Variants in NOS1AP observed in about 807,000 individuals in gnomAD.
NOS1AP encodes the protein carboxyl-terminal PDZ ligand of neuronal nitric oxide synthase protein.
NOS1AP carries 21 observed loss-of-function variants against 56.2 expected under a neutral mutation model. The observed-to-expected ratio is 0.37, with a 90% CI of 0.26 to 0.54. The LOEUF (loss-of-function observed/expected upper bound fraction) is 0.54, where lower values mean the gene tolerates loss of function less well. NOS1AP is among the 20% of genes least tolerant of loss of function. NOS1AP has a pLI of 0.84. For missense variants in NOS1AP, 522 were observed against 657.8 expected (o/e 0.79, Z 2.26); for synonymous variants, 270 against 274.6 (o/e 0.98, Z 0.17).
chr1:162,075,294 A>G (rs1345206003), intron 1 of NOS1AP, among the ~76,000 whole-genome samples: 3 of 152,322 alleles, frequency 2.0e-5, no homozygotes, highest in African/African-American at 4.8e-5. Context: ...AAAGCAGTAA[A>G]TATCATTGCT....
chr1:162,101,758 T>C (rs1339833992), intron 1 of NOS1AP, among the ~76,000 whole-genome samples: 1 of 152,158 alleles, frequency 6.6e-6, no homozygotes, highest in African/African-American at 2.4e-5. Context: ...TGTTGGTGAA[T>C]AGGAATGCTA....
chr1:162,326,394 G>A (rs917049199), intron 4 of NOS1AP, among the ~76,000 whole-genome samples: 1 of 152,172 alleles, frequency 6.6e-6, no homozygotes, highest in Non-Finnish European at 1.5e-5. Flanking sequence ...CTAATACCTG[G>A]GGGAATATGG....
intron 2 of NOS1AP, among the ~76,000 whole-genome samples, chr1:162,255,652 G>C (rs931059338): frequency 2.2e-4 from 34 of 151,840 alleles, no homozygotes; most frequent in African/African-American, 8.0e-4. Flanking sequence ...AGCTGTAATC[G>C]ATGGCCATGG....
chr1:162,179,905 G>A (rs1015155553), intron 2 of NOS1AP, among the ~76,000 whole-genome samples: 3 of 152,200 alleles, frequency 2.0e-5, no homozygotes, highest in Admixed American at 6.5e-5. Flanking sequence ...TCTCTCTAGA[G>A]GTGATGCAGA....
intron 2 of NOS1AP, among the ~76,000 whole-genome samples, chr1:162,178,601 A>T (rs1651146120): frequency 6.6e-6 from 1 of 152,156 alleles, no homozygotes; most frequent in Admixed American, 6.5e-5. Context: ...ACTTACACTC[A>T]TCCCTCCTGA....
At chr1:162,321,133 TCAG>T (rs1656401113) in intron 4 of NOS1AP, among the ~76,000 whole-genome samples, 1 of 152,202 alleles carries the variant, frequency 6.6e-6, no homozygotes, top group Non-Finnish European at 1.5e-5. Context: ...GGATCCAGTT[TCAG>T]CTTTCTACAT....
At chr1:162,215,495 G>A (rs1304225747) in intron 2 of NOS1AP, among the ~76,000 whole-genome samples, 2 of 152,196 alleles carry the variant, frequency 1.3e-5, no homozygotes, top group Non-Finnish European at 2.9e-5. Flanking sequence ...CTGCTATTTG[G>A]CCTGTTCCTA....
At chr1:162,360,500 G>A (rs757286305) in intron 8 of NOS1AP, 2 of 291,002 alleles carry the variant, frequency 6.9e-6, no homozygotes, top group Non-Finnish European at 1.3e-5. Context: ...TCTATTCACA[G>A]TTTGCCAATT....
At chr1:162,071,587 C>T (rs1450457839) in intron 1 of NOS1AP, among the ~76,000 whole-genome samples, 1 of 152,152 alleles carries the variant, frequency 6.6e-6, no homozygotes, top group Admixed American at 6.5e-5. Flanking sequence ...AACATTAAAC[C>T]CTGCCGTGGA....
chr1:162,235,993 G>A (rs972061575), intron 2 of NOS1AP, among the ~76,000 whole-genome samples: 6 of 152,192 alleles, frequency 3.9e-5, no homozygotes, highest in Non-Finnish European at 1.5e-5. Flanking sequence ...GAGTTTGTTA[G>A]GAGCACAGTC....
At chr1:162,360,297 T>C (rs1369821538) in intron 8 of NOS1AP, among the ~76,000 whole-genome samples, 1 of 152,212 alleles carries the variant, frequency 6.6e-6, no homozygotes, top group Non-Finnish European at 1.5e-5. Flanking sequence ...CGACCCAGCA[T>C]GAGGCTTGCC....
At chr1:162,346,765 T>G (rs1241657228) in intron 6 of NOS1AP, among the ~76,000 whole-genome samples, 1 of 152,254 alleles carries the variant, frequency 6.6e-6, no homozygotes, top group African/African-American at 2.4e-5. Flanking sequence ...TCTATGTGAC[T>G]AGAGGGAATT....
chr1:162,134,609 A>G (rs1648906945), intron 1 of NOS1AP, among the ~76,000 whole-genome samples: 1 of 152,024 alleles, frequency 6.6e-6, no homozygotes, highest in African/African-American at 2.4e-5. Flanking sequence ...GGAATCCTGA[A>G]AATTACCCTG....
intron 4 of NOS1AP, among the ~76,000 whole-genome samples, chr1:162,314,786 T>C (rs1656178801): frequency 6.6e-6 from 1 of 152,222 alleles, no homozygotes; most frequent in African/African-American, 2.4e-5. Flanking sequence ...GAGTCCTGCA[T>C]GTTTATGAAT....
At chr1:162,353,094 G>C (rs558528682) in intron 6 of NOS1AP, among the ~76,000 whole-genome samples, 2 of 131,720 alleles carry the variant, frequency 1.5e-5, no homozygotes, top group Non-Finnish European at 3.1e-5. Flanking sequence ...ACGATCCTTC[G>C]AATCCATCTC....
intron 1 of NOS1AP, among the ~76,000 whole-genome samples, chr1:162,083,707 A>G (rs1281655132): frequency 6.6e-6 from 1 of 152,184 alleles, no homozygotes; most frequent in South Asian, 2.1e-4. Context: ...GCTTCCACAG[A>G]TGAAGGAAAT....
intron 2 of NOS1AP, among the ~76,000 whole-genome samples, chr1:162,207,265 T>A (rs1197503304): frequency 6.6e-6 from 1 of 152,236 alleles, no homozygotes; most frequent in Admixed American, 6.5e-5. Context: ...CTAGACGTAG[T>A]GCCAGAGGCA....
intron 7 of NOS1AP, among the ~76,000 whole-genome samples, chr1:162,355,561 T>C (rs1418293728): frequency 6.6e-6 from 1 of 152,196 alleles, no homozygotes; most frequent in Admixed American, 6.5e-5. Flanking sequence ...GCTGTGGAGC[T>C]GATTCCTGAC....
intron 4 of NOS1AP, among the ~76,000 whole-genome samples, chr1:162,332,632 G>T (rs1205896577): frequency 6.6e-6 from 1 of 152,192 alleles, no homozygotes. Flanking sequence ...GGGGATAATT[G>T]TAAACAGGCA....
Sources: allele counts gnomAD v4.1 joint callset (sites outside exome capture counted in the v4.1 genomes callset), GRCh38; gene constraint gnomAD v4.1.1; transcripts MANE v1.5; gene names NCBI Gene and HGNC (gene_info 2026-07-23, HGNC 2026-07-21).